The following CENPP variants were observed in gnomAD, a reference collection of about 807,000 sequenced individuals.
The protein encoded by CENPP is centromere protein P.
Under a neutral mutation model 35.6 loss-of-function variants are expected in CENPP, and 24 were observed. The ratio of observed to expected loss-of-function variants is 0.67; its 90% CI spans 0.49 to 0.95. The LOEUF is 0.95. Among genes scored for constraint, CENPP ranks in the 40% least tolerant of loss-of-function variants. CENPP has a pLI of 0.00. For missense variants in CENPP, 332 were observed against 345.3 expected, an observed-to-expected ratio of 0.96 and a Z score of 0.31; for synonymous variants, 120 against 125.5, an observed-to-expected ratio of 0.96 and a Z score of 0.29.
At chr9:92,539,401 G>A (rs746302743) in intron 5 of CENPP, among the ~76,000 whole-genome samples, 20 of 139,022 alleles carry the variant, frequency 1.4e-4, no homozygotes, top group Admixed American at 3.2e-4. Context: ...GAAGCCAGTT[G>A]ATTAGGGTAT....
chr9:92,362,871 T>G (rs1588060542), intron 4 of CENPP, among the ~76,000 whole-genome samples: 1 of 152,218 alleles, frequency 6.6e-6, no homozygotes, highest in East Asian at 1.9e-4. Context: ...ATGTATGGAT[T>G]CATTCATTTC....
At position 92,618,319 on chromosome 9, in the gene CENPP, G is replaced by A. The variant is rs1280580138; in HGVS notation, c.*5170G>A. ...TGCCCTCCCCTCCCCTCCTAGTGTC[G>A]TTTCTGCTGAGCAGCTGGTCGTAAG... On this transcript the variant is annotated 3_prime_UTR_variant, in exon 8 of 8. Transcript: ENST00000375587. The A allele has an allele frequency of 4.4e-6, 2 of 456,518 alleles. No homozygotes were observed. Among genetic ancestry groups the A allele is most frequent in the Admixed American group, 2.4e-5 (1 of 42,552 alleles). 28.3% of individuals were successfully genotyped at this position (456,518 alleles called of 1,614,324 possible).
Position 92,600,418 on chromosome 9 carries a change from G to A in CENPP, c.565-10896G>A, listed in dbSNP as rs748788766. 5 of 1,612,012 alleles carry A rather than the reference G, an allele frequency of 3.1e-6. No individual in the cohort carries two copies. In the East Asian group the frequency reaches 1.1e-4, roughly 36 times the overall value. ...TCTCTTTCAACTCTGGGTTTCCCTG[G>A]TTCTTCCCAAGTCTGTACAAACAAG... is the stretch of plus-strand genomic sequence containing the variant. On this transcript the variant is annotated intron_variant, in intron 5 of 7. Transcript: ENST00000375587.
intron 5 of CENPP, chr9:92,496,162 T>G: frequency 7.4e-7 from 1 of 1,347,642 alleles, no homozygotes; most frequent in Non-Finnish European, 9.5e-7. Context: ...TTTAGGTATA[T>G]TTTGGTTGTT....
At chr9:92,551,575 G>C (rs1409479457) in intron 5 of CENPP, among the ~76,000 whole-genome samples, 1 of 151,914 alleles carries the variant, frequency 6.6e-6, no homozygotes, top group South Asian at 2.1e-4. Flanking sequence ...TTGGTTACAT[G>C]AGTAAGTTGT....
Position 92,370,711 on chromosome 9 carries a change from T to C in CENPP, c.468-9052T>C, listed in dbSNP as rs567293055. 2.6e-5 allele frequency among the ~76,000 whole-genome samples: 4 copies of C among 152,204 alleles called. No homozygotes were observed. The East Asian group carries it at 7.7e-4, about 29-fold the overall frequency. On this transcript the variant is annotated intron_variant, in intron 4 of 7. Transcript: ENST00000375587. ...TGGCCAAGCTGGTCTTGAACTCCTGTCCTCAGGTGATCCACCTGCCTCAGC... is the reference window on the plus strand; with the variant it reads ...TGGCCAAGCTGGTCTTGAACTCCTGCCCTCAGGTGATCCACCTGCCTCAGC...
intron 3 of CENPP, 138 bp from the exon 4 acceptor site, chr9:92,345,561 T>C (rs2130803589): frequency 5.0e-6 from 3 of 601,274 alleles, no homozygotes; most frequent in East Asian, 2.9e-5. Context: ...GATTGAACTT[T>C]TTTTGTTTTT....
At chr9:92,488,488 A>G (rs193039464) in intron 5 of CENPP, among the ~76,000 whole-genome samples, 50 of 152,174 alleles carry the variant, frequency 3.3e-4, no homozygotes, top group Non-Finnish European at 6.6e-4. Flanking sequence ...GTTTTTATCT[A>G]TGTATTTTTC....
intron 4 of CENPP, among the ~76,000 whole-genome samples, chr9:92,352,505 G>GTGTGTATATATATATATATATATATATA: frequency 4.0e-5 from 2 of 49,764 alleles, no homozygotes; most frequent in African/African-American, 1.8e-4. Context: ...GTGTGTGTGT[G>GTGTGTATATATATATATATATATATATA]TATACATATA....
chr9:92,374,395 G>A (rs575205192), intron 4 of CENPP, among the ~76,000 whole-genome samples: 1 of 152,018 alleles, frequency 6.6e-6, no homozygotes, highest in East Asian at 1.9e-4. Context: ...AGTAGAGACG[G>A]AGGTTTCTCC....
chr9:92,416,107 T>TA (rs1564309257), intron 5 of CENPP, among the ~76,000 whole-genome samples: 2 of 142,754 alleles, frequency 1.4e-5, no homozygotes, highest in South Asian at 2.1e-4. Context: ...TATTTTATTT[T>TA]TTTTTTTTTT....
At chr9:92,547,664 A>G (rs1849500848) in intron 5 of CENPP, among the ~76,000 whole-genome samples, 1 of 152,350 alleles carries the variant, frequency 6.6e-6, no homozygotes, top group East Asian at 1.9e-4. Context: ...GGGGGTAAGA[A>G]GATAGGGAAT....
At chr9:92,422,701 G>T (rs552706010) in intron 5 of CENPP, among the ~76,000 whole-genome samples, 1 of 152,190 alleles carries the variant, frequency 6.6e-6, no homozygotes, top group Non-Finnish European at 1.5e-5. Context: ...GCAGTTTTCT[G>T]TTTTGAAATC....
At chr9:92,402,116 C>G (rs922371313) in intron 5 of CENPP, among the ~76,000 whole-genome samples, 2 of 152,176 alleles carry the variant, frequency 1.3e-5, no homozygotes, top group Non-Finnish European at 2.9e-5. Context: ...TCTCTAAACT[C>G]TTTAGGGATC....
chr9:92,575,595 C>T (rs191478169), intron 5 of CENPP, among the ~76,000 whole-genome samples: 27 of 152,212 alleles, frequency 1.8e-4, no homozygotes, highest in Middle Eastern at 3.4e-3. Context: ...AGGCAGATCA[C>T]GAGGTCAGGA....
chr9:92,488,785 G>A (rs1197780038), intron 5 of CENPP, among the ~76,000 whole-genome samples: 2 of 152,124 alleles, frequency 1.3e-5, no homozygotes, highest in African/African-American at 4.8e-5. Flanking sequence ...TGACCACAGA[G>A]ATTCTGTTAC....
chr9:92,401,824 G>A (rs911609161), intron 5 of CENPP, among the ~76,000 whole-genome samples: 3 of 152,134 alleles, frequency 2.0e-5, no homozygotes, highest in African/African-American at 7.2e-5. Flanking sequence ...TTCTTGGAGA[G>A]TACGTTTTCT....
chr9:92,616,158 G>T lies in CENPP; in HGVS notation c.*3009G>T. Reference sequence around the variant, plus strand: ...CTTCTTTCAACTAGTATGTTTTTATGTTTTTTCTTTGACTTCTGCAAAGTT... The same window carrying T: ...CTTCTTTCAACTAGTATGTTTTTATTTTTTTTCTTTGACTTCTGCAAAGTT... On this transcript the variant is annotated 3_prime_UTR_variant, in exon 8 of 8. Transcript: ENST00000375587. 1.2e-6 allele frequency: 1 copy of T among 819,540 alleles called. No homozygotes were observed. Among genetic ancestry groups the T allele is most frequent in the Non-Finnish European group, 1.9e-6 (1 of 520,646 alleles). The allele number at this position is 819,540 out of a possible 1,614,324, so 50.8% of individuals were successfully genotyped here.
chr9:92,383,965 C>T (rs1404839160), intron 5 of CENPP: 1 of 151,862 alleles, frequency 6.6e-6, no homozygotes, highest in East Asian at 1.9e-4. Flanking sequence ...AAAACAGAAC[C>T]CTTCTATTTA....
Sources: gnomAD v4.1 joint callset for allele counts (sites outside exome capture counted in the v4.1 genomes callset) on GRCh38, gnomAD v4.1.1 for gene constraint, MANE v1.5 for transcripts, NCBI Gene and HGNC (gene_info 2026-07-23, HGNC 2026-07-21) for gene names.